MBOAT2: variants seen among roughly 807,000 people sequenced by gnomAD.
MBOAT2 encodes membrane-bound glycerophospholipid O-acyltransferase 2.
Under a neutral mutation model 63.4 loss-of-function variants are expected in MBOAT2, and 28 were observed. That is an observed-to-expected ratio of 0.44 (90% CI 0.33 to 0.61). The LOEUF (loss-of-function observed/expected upper bound fraction) is 0.61. Among genes scored for constraint, MBOAT2 ranks in the 20% least tolerant of loss-of-function variants. MBOAT2 has a pLI of 0.03. For missense variants in MBOAT2, 470 were observed against 605.8 expected (o/e 0.78, Z 2.35); for synonymous variants, 211 against 215.6 (o/e 0.98, Z 0.19).
chr2:8,909,552 G>A (rs1018928018), intron 3 of MBOAT2, among the ~76,000 whole-genome samples: 1 of 152,038 alleles, frequency 6.6e-6, no homozygotes, highest in Admixed American at 6.6e-5. Context: ...TATGATATAG[G>A]AGAAATCAAG....
chr2:8,966,446 C>CA (rs1274834508), intron 1 of MBOAT2, among the ~76,000 whole-genome samples: 1 of 152,176 alleles, frequency 6.6e-6, no homozygotes, highest in Non-Finnish European at 1.5e-5. Flanking sequence ...TAGTTAGAAA[C>CA]AGATTATTGG....
At chr2:8,864,815 G>T (rs1322200847) in intron 9 of MBOAT2, among the ~76,000 whole-genome samples, 1 of 152,010 alleles carries the variant, frequency 6.6e-6, no homozygotes, top group Non-Finnish European at 1.5e-5. Flanking sequence ...ATCTCAGAGG[G>T]GGCCTTTCAT....
chr2:8,971,521 A>C (rs1670456137), intron 1 of MBOAT2, among the ~76,000 whole-genome samples: 1 of 152,214 alleles, frequency 6.6e-6, no homozygotes, highest in African/African-American at 2.4e-5. Flanking sequence ...GGCCAGGGCA[A>C]TCAGGCAGGA....
chr2:8,953,051 T>C (rs2103262937), intron 2 of MBOAT2, among the ~76,000 whole-genome samples: 1 of 152,362 alleles, frequency 6.6e-6, no homozygotes, highest in Middle Eastern at 3.4e-3. Context: ...AATGTGTGGC[T>C]GCTTTACAGG....
intron 6 of MBOAT2, 81 bp downstream of exon 6, chr2:8,882,430 G>T: frequency 7.4e-7 from 1 of 1,354,394 alleles, no homozygotes; most frequent in Non-Finnish European, 1.1e-6. Flanking sequence ...AGAAGGACTA[G>T]TCAGCCTCAG....
chr2:8,871,228 C>T (rs537934945), intron 8 of MBOAT2, among the ~76,000 whole-genome samples: 1 of 152,218 alleles, frequency 6.6e-6, no homozygotes, highest in African/African-American at 2.4e-5. Context: ...AAACTTCTGG[C>T]TTCAAGTCAT....
chr2:8,968,436 G>T (rs1670170297), intron 1 of MBOAT2, among the ~76,000 whole-genome samples: 1 of 152,186 alleles, frequency 6.6e-6, no homozygotes, highest in South Asian at 2.1e-4. Flanking sequence ...GGAAAAAACA[G>T]AGCAGAAAAG....
rs567390565 is a variant in MBOAT2 at position 8,939,681 on chromosome 2, G to A, written c.299+3506C>T. Among the ~76,000 whole-genome samples, 77 of 152,306 alleles carry A rather than the reference G, an allele frequency of 5.1e-4. 1 individual carries two copies. The South Asian group carries it at 0.013, about 26-fold the overall frequency. On this transcript the variant is annotated intron_variant, in intron 3 of 12. Coordinates refer to ENST00000305997, the MANE Select transcript of MBOAT2 (RefSeq NM_138799.4). ...CAGAGCACACAATCCCTGGGGAGCA[G>A]GGAGGTCATCTGAGGTCAGAAAAGA...
Position 8,853,887 on chromosome 2 carries a change from G to A in MBOAT2, c.*4792C>T, listed in dbSNP as rs1660917410. The A allele has an allele frequency of 6.6e-6, 1 of 152,094 alleles. No individual in the cohort carries two copies. The highest frequency in any genetic ancestry group is 2.4e-5 in the African/African-American group (1 of 41,416). 9.4% of individuals were successfully genotyped at this position (152,094 alleles called of 1,614,324 possible). On this transcript the variant is annotated 3_prime_UTR_variant, in exon 13 of 13. Transcript: ENST00000305997. ...CAAAATTTCCCAGTCAATGGCCTATGGAACGTGTCAGTTCTTTATTGGGAT... is the reference window on the plus strand; with the variant it reads ...CAAAATTTCCCAGTCAATGGCCTATAGAACGTGTCAGTTCTTTATTGGGAT...
At chr2:8,861,024 G>A (rs1166779523) in intron 11 of MBOAT2, 2 of 234,080 alleles carry the variant, frequency 8.5e-6, no homozygotes, top group Admixed American at 5.7e-5. Flanking sequence ...GGTGAGTCTG[G>A]GTAAAGGGCA....
chr2:8,995,683 C>T (rs1449254390), intron 1 of MBOAT2, among the ~76,000 whole-genome samples: 1 of 151,594 alleles, frequency 6.6e-6, no homozygotes, highest in Non-Finnish European at 1.5e-5. Flanking sequence ...CTCTGCCTCC[C>T]GGGTTCGCGC....
At chr2:8,954,117 CTTTTTCT>C (rs1343256421) in intron 2 of MBOAT2, among the ~76,000 whole-genome samples, 3 of 150,842 alleles carry the variant, frequency 2.0e-5, no homozygotes, top group Non-Finnish European at 4.4e-5. Context: ...TTCCTTTTTC[CTTTTTCT>C]CCCTTCTTAA....
chr2:8,998,560 A>G (rs940899697), intron 1 of MBOAT2, among the ~76,000 whole-genome samples: 16 of 152,046 alleles, frequency 1.1e-4, no homozygotes, highest in African/African-American at 3.4e-4. Flanking sequence ...ACCCTTTTCC[A>G]TAACATCAAC....
intron 8 of MBOAT2, among the ~76,000 whole-genome samples, chr2:8,869,049 T>C (rs1488207859): frequency 2.6e-5 from 4 of 152,142 alleles, no homozygotes; most frequent in Non-Finnish European, 5.9e-5. Flanking sequence ...TATATGTCTC[T>C]AGAATTTTTA....
At chr2:8,918,065 A>C (rs1276805478) in intron 3 of MBOAT2, among the ~76,000 whole-genome samples, 2 of 152,232 alleles carry the variant, frequency 1.3e-5, no homozygotes, top group Non-Finnish European at 2.9e-5. Context: ...TGCAGGAGAC[A>C]GGATGGACTG....
chr2:8,966,645 C>T (rs1003429523), intron 1 of MBOAT2, among the ~76,000 whole-genome samples: 5 of 152,178 alleles, frequency 3.3e-5, no homozygotes, highest in African/African-American at 1.2e-4. Flanking sequence ...CCATTTTTTA[C>T]ATCTTTATGA....
At chr2:8,994,462 T>C (rs1672130492) in intron 1 of MBOAT2, among the ~76,000 whole-genome samples, 1 of 152,140 alleles carries the variant, frequency 6.6e-6, no homozygotes, top group Admixed American at 6.5e-5. Flanking sequence ...AAGAAAGAAC[T>C]GGATGACACT....
chr2:8,973,552 T>TAAAAAAAAAAAAAACA, intron 1 of MBOAT2, among the ~76,000 whole-genome samples: 1 of 130,250 alleles, frequency 7.7e-6, no homozygotes. Context: ...TAACTCAAGC[T>TAAAAAAAAAAAAAACA]AAAAAAAAAA....
Position 8,862,616 on chromosome 2 carries a change from C to T in MBOAT2, c.1159G>A (p.Val387Met), listed in dbSNP as rs371168348. ...GCTCTTGCTGCTAATGTCATTAACA[C>T]CCCTGTTAGAAACGTTAGATAATAT... ...PGYYLTFLTG[V>M]LMTLAARAMR... The change falls in exon 11 of 13, where the codon GTG becomes ATG. Residue 387 changes from valine to methionine, a missense_variant. Val to Met is a conservative substitution (Grantham distance 21). This residue lies in a region of MBOAT2 where 376 missense variants were observed against 503.8 expected (regional missense o/e 0.75). Transcript: ENST00000305997. The surrounding 1 kb of genome is among the most constrained non-coding windows in gnomAD (Gnocchi z 4.3). 1.2e-6 allele frequency: 2 copies of T among 1,612,262 alleles called. No individual in the cohort carries two copies. Among genetic ancestry groups the T allele is most frequent in the South Asian group, 1.1e-5 (1 of 90,606 alleles).
Sources: allele counts gnomAD v4.1 joint callset (sites outside exome capture counted in the v4.1 genomes callset), GRCh38; gene constraint gnomAD v4.1.1; regional missense constraint gnomAD v4.1.1; non-coding constraint Gnocchi (gnomAD v3.1); transcripts MANE v1.5; gene names NCBI Gene and HGNC (gene_info 2026-07-23, HGNC 2026-07-21).